EVC2: variants seen among roughly 807,000 people sequenced by gnomAD.
EVC2 encodes EvC ciliary complex subunit 2.
Under a neutral mutation model 149.3 loss-of-function variants are expected in EVC2, and 148 were observed. The ratio of observed to expected loss-of-function variants is 0.99; its 90% CI spans 0.87 to 1.14. The LOEUF (loss-of-function observed/expected upper bound fraction) is 1.14. Among genes scored for constraint, EVC2 ranks in the 50% most tolerant of loss-of-function variants. EVC2 has a pLI of 0.00. For missense variants in EVC2, 1,854 were observed against 1,627.3 expected (o/e 1.14, Z -2.40); for synonymous variants, 776 against 649.9 (o/e 1.19, Z -2.95).
At chr4:5,647,046 A>G (rs1717774045) in intron 9 of EVC2, among the ~76,000 whole-genome samples, 1 of 152,214 alleles carries the variant, frequency 6.6e-6, no homozygotes, top group African/African-American at 2.4e-5. Flanking sequence ...ATTTTAAGCC[A>G]GAAAGACTCC....
chr4:5,681,947 G>T (rs1478075552), intron 6 of EVC2, among the ~76,000 whole-genome samples: 2 of 152,112 alleles, frequency 1.3e-5, no homozygotes, highest in East Asian at 3.9e-4. Flanking sequence ...TTAGGGCCAG[G>T]CTGTCTAAGT....
intron 11 of EVC2, among the ~76,000 whole-genome samples, chr4:5,630,110 G>C (rs1371507656): frequency 6.6e-6 from 1 of 152,204 alleles, no homozygotes. Flanking sequence ...CAGAATTTGT[G>C]CTTTATGTAT....
intron 7 of EVC2, among the ~76,000 whole-genome samples, chr4:5,681,029 G>A (rs1203005173): frequency 6.6e-6 from 1 of 152,210 alleles, no homozygotes; most frequent in African/African-American, 2.4e-5. Context: ...GCCTCAGCCT[G>A]TCCAGCCCAC....
At chr4:5,666,364 A>C (rs2108901418) in intron 7 of EVC2, among the ~76,000 whole-genome samples, 1 of 152,284 alleles carries the variant, frequency 6.6e-6, no homozygotes, top group Middle Eastern at 3.4e-3. Flanking sequence ...ATTGGATCCA[A>C]TCCTGTGACA....
chr4:5,537,417 A>G, the EVC2 span, among the ~76,000 whole-genome samples: 8 of 152,092 alleles, frequency 5.3e-5, no homozygotes, highest in African/African-American at 1.9e-4. Context: ...CAGCCGGGAA[A>G]TAGTGCTGTT....
At chr4:5,673,212 G>A (rs938001536) in intron 7 of EVC2, among the ~76,000 whole-genome samples, 1 of 152,196 alleles carries the variant, frequency 6.6e-6, no homozygotes, top group Non-Finnish European at 1.5e-5. Flanking sequence ...AGCCGCTATT[G>A]CTACTACTGT....
At chr4:5,627,180 G>A (rs933249438) in intron 12 of EVC2, among the ~76,000 whole-genome samples, 2 of 152,102 alleles carry the variant, frequency 1.3e-5, no homozygotes, top group African/African-American at 4.8e-5. Context: ...CCCCAGCTTG[G>A]CCCAGGGAAG....
At position 5,568,189 on chromosome 4, in the gene EVC2, A is replaced by G. The variant is rs149416590; in HGVS notation, c.3557+255T>C. ...ATGCTAGCAGTCATTTTTCTAGGTC[A>G]TAAAACCATGGATATTTCTTTCTCT... is the stretch of plus-strand genomic sequence containing the variant. On this transcript the variant is annotated intron_variant, in intron 20 of 21. Transcript: ENST00000344408. Among the ~76,000 whole-genome samples the G allele has an allele frequency of 9.3e-3, 1,418 of 152,216 alleles. 22 individuals are homozygous for G. Among genetic ancestry groups the G allele is most frequent in the African/African-American group, 0.033 (1,361 of 41,544 alleles).
intron 20 of EVC2, among the ~76,000 whole-genome samples, chr4:5,566,773 C>T (rs978916742): frequency 3.3e-5 from 5 of 152,054 alleles, no homozygotes; most frequent in African/African-American, 1.2e-4. Flanking sequence ...ACTGGCCTCC[C>T]AAACTAAGCT....
intron 10 of EVC2, among the ~76,000 whole-genome samples, chr4:5,638,521 G>T (rs1239213434): frequency 6.6e-6 from 1 of 152,164 alleles, no homozygotes; most frequent in Non-Finnish European, 1.5e-5. Flanking sequence ...CAAGGATGTG[G>T]GATGTTGAGC....
Position 5,600,082 on chromosome 4 carries a change from A to C in EVC2, c.2830-15232T>G, listed in dbSNP as rs544264930. Among the ~76,000 whole-genome samples the C allele has an allele frequency of 4.7e-4, 71 of 152,290 alleles. 1 individual carries two copies. The South Asian group carries it at 0.014, about 30-fold the overall frequency. ...GGGGCATCCCTTCACATCACTTGGCATAGTTTTGCTTTGTTGTATTTTAAG... is the reference window on the plus strand; with the variant it reads ...GGGGCATCCCTTCACATCACTTGGCCTAGTTTTGCTTTGTTGTATTTTAAG... On this transcript the variant is annotated intron_variant, in intron 16 of 21. Transcript: ENST00000344408.
chr4:5,603,197 T>C (rs1179753683), intron 16 of EVC2, among the ~76,000 whole-genome samples: 1 of 152,218 alleles, frequency 6.6e-6, no homozygotes, highest in Non-Finnish European at 1.5e-5. Context: ...AGATGAAGTC[T>C]GACCATGAGG....
rs1720184249 is a variant in EVC2, at chr4:5,679,217, G to A, written c.870+2043C>T. Among the ~76,000 whole-genome samples the A allele has an allele frequency of 6.6e-6, 1 of 151,944 alleles. No individual in the cohort carries two copies. The highest frequency in any genetic ancestry group is 2.4e-5 in the African/African-American group (1 of 41,358). On this transcript the variant is annotated intron_variant, in intron 7 of 21. Transcript: ENST00000344408. This position sits in a 1 kb window ranked among gnomAD's most constrained non-coding sequence, Gnocchi z 5.1. ...CACGACTATAGACTTTAGAAACACTGTACCCTTAGGCTACACTACATTTAT... is the reference window on the plus strand; with the variant it reads ...CACGACTATAGACTTTAGAAACACTATACCCTTAGGCTACACTACATTTAT...
At chr4:5,664,158 C>T (rs1009391763) in intron 8 of EVC2, among the ~76,000 whole-genome samples, 3 of 152,222 alleles carry the variant, frequency 2.0e-5, no homozygotes, top group African/African-American at 7.2e-5. Context: ...AGTGTTGGTG[C>T]CCCCATTTTA....
At chr4:5,573,191 A>G (rs1209221296) in intron 19 of EVC2, among the ~76,000 whole-genome samples, 3 of 152,146 alleles carry the variant, frequency 2.0e-5, no homozygotes, top group African/African-American at 7.2e-5. Context: ...AAAATGTCCC[A>G]TCCTGGGACC....
intron 9 of EVC2, among the ~76,000 whole-genome samples, chr4:5,651,023 C>T (rs1030284198): frequency 6.6e-6 from 1 of 151,952 alleles, no homozygotes; most frequent in Non-Finnish European, 1.5e-5. Flanking sequence ...ATGATAAACA[C>T]GTGGATGGAT....
At chr4:5,573,735 C>T (rs62297461) in intron 19 of EVC2, among the ~76,000 whole-genome samples, 3,098 of 152,282 alleles carry the variant, frequency 0.02, 45 homozygotes, top group Non-Finnish European at 0.031. Flanking sequence ...TCAGGAAGCT[C>T]GGTGTGCCTG....
chr4:5,529,649 A>G, the EVC2 span, among the ~76,000 whole-genome samples: 2 of 152,154 alleles, frequency 1.3e-5, no homozygotes, highest in South Asian at 4.1e-4. This position sits in a 1 kb window ranked among gnomAD's most constrained non-coding sequence, Gnocchi z 4.5. Flanking sequence ...ATTGAAATAC[A>G]TTGGAAGCTT....
chr4:5,686,163 T>C lies in EVC2; in HGVS notation c.707-684A>G, dbSNP rs1050778453. Among the ~76,000 whole-genome samples the C allele has an allele frequency of 2.0e-5, 3 of 150,426 alleles. No homozygotes were observed. The highest frequency in any genetic ancestry group is 7.4e-5 in the African/African-American group (3 of 40,544). On this transcript the variant is annotated intron_variant, in intron 5 of 21. Transcript: ENST00000344408. The surrounding 1 kb of genome is among the most constrained non-coding windows in gnomAD (Gnocchi z 5.4). Reference sequence around the variant, plus strand: ...AAAGAGGAGGAACGCTCACTTAGCCTAAGGAATCACTGGCATTTTTGTTTT... The same window carrying C: ...AAAGAGGAGGAACGCTCACTTAGCCCAAGGAATCACTGGCATTTTTGTTTT...
Sources: gnomAD v4.1 joint callset for allele counts (sites outside exome capture counted in the v4.1 genomes callset) on GRCh38, gnomAD v4.1.1 for gene constraint, Gnocchi (gnomAD v3.1) non-coding constraint, MANE v1.5 for transcripts, NCBI Gene and HGNC (gene_info 2026-07-23, HGNC 2026-07-21) for gene names.